Variants in CTNNA3 observed in about 807,000 individuals in gnomAD.
CTNNA3 encodes the protein catenin alpha 3.
A neutral mutation model predicts 95.7 loss-of-function variants in CTNNA3; 76 were observed. The ratio of observed to expected loss-of-function variants is 0.79; its 90% confidence interval spans 0.66 to 0.96. The LOEUF (loss-of-function observed/expected upper bound fraction) is 0.96. Ranked by LOEUF, CTNNA3 falls within the 40% of genes least tolerant of loss-of-function variation. The pLI is 0.00. For missense variants in CTNNA3, 1,191 were observed against 1,089.8 expected (o/e 1.09, Z -1.31); for synonymous variants, 431 against 374.4 (o/e 1.15, Z -1.74).
At chr10:66,538,867 C>T (rs113465044) in intron 10 of CTNNA3, among the ~76,000 whole-genome samples, 90 of 152,262 alleles carry the variant, frequency 5.9e-4, no homozygotes, top group Middle Eastern at 3.4e-3. Context: ...TCAGGTTTAA[C>T]TGATTTTCAT....
intron 12 of CTNNA3, among the ~76,000 whole-genome samples, chr10:66,291,610 C>T (rs1464963292): frequency 1.3e-5 from 2 of 152,028 alleles, no homozygotes; most frequent in Non-Finnish European, 2.9e-5. Context: ...TTAGTATTCT[C>T]TGTGCTCTTC....
chr10:66,276,338 A>G (rs1326700658), intron 13 of CTNNA3, among the ~76,000 whole-genome samples: 1 of 152,096 alleles, frequency 6.6e-6, no homozygotes, highest in Non-Finnish European at 1.5e-5. Flanking sequence ...GAAAAATTTT[A>G]CCTGAATCTT....
intron 9 of CTNNA3, among the ~76,000 whole-genome samples, chr10:66,736,248 C>T (rs910925752): frequency 1.3e-5 from 2 of 151,788 alleles, no homozygotes; most frequent in African/African-American, 4.8e-5. Context: ...TGCAGTGGTG[C>T]CATCTTGACT....
intron 11 of CTNNA3, among the ~76,000 whole-genome samples, chr10:66,395,107 C>T (rs1456389525): frequency 6.6e-6 from 1 of 151,880 alleles, no homozygotes; most frequent in Non-Finnish European, 1.5e-5. Flanking sequence ...GAAAAAAAGG[C>T]TAACAAAAGA....
At chr10:66,866,953 T>G (rs761230930) in intron 7 of CTNNA3, among the ~76,000 whole-genome samples, 9 of 152,086 alleles carry the variant, frequency 5.9e-5, no homozygotes, top group Non-Finnish European at 1.2e-4. Flanking sequence ...CATACTGCTC[T>G]CATGGTGGTG....
intron 15 of CTNNA3, among the ~76,000 whole-genome samples, chr10:66,035,370 A>C (rs2133471631): frequency 6.6e-6 from 1 of 152,250 alleles, no homozygotes; most frequent in South Asian, 2.1e-4. Context: ...TGGCAGCCTA[A>C]GAATTTAGAA....
chr10:66,120,314 G>C (rs1780542306), intron 13 of CTNNA3, among the ~76,000 whole-genome samples: 1 of 152,136 alleles, frequency 6.6e-6, no homozygotes, highest in Non-Finnish European at 1.5e-5. Context: ...ACTGAATATA[G>C]TGCCAAGAAC....
chr10:67,033,059 A>AT (rs1853830712), intron 7 of CTNNA3, among the ~76,000 whole-genome samples: 1 of 152,126 alleles, frequency 6.6e-6, no homozygotes, highest in African/African-American at 2.4e-5. Context: ...GATAACAGCT[A>AT]TTTTTTTCCA....
chr10:66,100,704 T>C (rs758830892), intron 14 of CTNNA3, among the ~76,000 whole-genome samples: 2 of 152,172 alleles, frequency 1.3e-5, no homozygotes, highest in African/African-American at 2.4e-5. Flanking sequence ...TAACCTATAA[T>C]GGGCAGCCAG....
chr10:66,354,291 A>T (rs931105453), intron 12 of CTNNA3, among the ~76,000 whole-genome samples: 3 of 127,850 alleles, frequency 2.3e-5, no homozygotes, highest in African/African-American at 3.5e-5. Flanking sequence ...TCTCAAAAAT[A>T]AAAAAAAAAA....
chr10:66,651,331 T>C (rs1478313457), intron 9 of CTNNA3, among the ~76,000 whole-genome samples: 1 of 152,104 alleles, frequency 6.6e-6, no homozygotes, highest in African/African-American at 2.4e-5. Context: ...ATTGGGTGCA[T>C]ATACAATCCT....
chr10:66,540,750 T>C (rs1049229954), intron 10 of CTNNA3, among the ~76,000 whole-genome samples: 1 of 151,958 alleles, frequency 6.6e-6, no homozygotes, highest in Non-Finnish European at 1.5e-5. Context: ...GAGCCAGGGT[T>C]GGGTCTAGGT....
chr10:67,580,140 C>T (rs1161549904), intron 3 of CTNNA3, among the ~76,000 whole-genome samples: 1 of 152,136 alleles, frequency 6.6e-6, no homozygotes, highest in Non-Finnish European at 1.5e-5. Flanking sequence ...GTGCCTATGT[C>T]CTGAATGGTA....
At chr10:66,699,926 G>T (rs1255513938) in intron 9 of CTNNA3, among the ~76,000 whole-genome samples, 1 of 151,894 alleles carries the variant, frequency 6.6e-6, no homozygotes, top group Non-Finnish European at 1.5e-5. Flanking sequence ...CAAAGTGCTG[G>T]GATTACAGGT....
chr10:66,961,229 T>G (rs1849094426), intron 7 of CTNNA3, among the ~76,000 whole-genome samples: 1 of 152,184 alleles, frequency 6.6e-6, no homozygotes, highest in South Asian at 2.1e-4. Flanking sequence ...TCTATTGTTT[T>G]GTATAGTCTC....
intron 1 of CTNNA3, among the ~76,000 whole-genome samples, chr10:67,718,881 C>T (rs1841161156): frequency 6.6e-6 from 1 of 152,172 alleles, no homozygotes; most frequent in Admixed American, 6.5e-5. Context: ...AGGAATGGTA[C>T]CAGCTCCTCT....
rs1301219835 is a variant in CTNNA3, at chr10:67,326,296, T to C, written c.580-106426A>G. ...ACGTTACCTGGTTGTTTTGCAGACT[T>C]GTTTATGTAGTTGCTTTATAGTGTC... On this transcript the variant is annotated intron_variant, in intron 5 of 17. Transcript: ENST00000433211. Among the ~76,000 whole-genome samples the C allele has an allele frequency of 2.0e-5, 3 of 152,188 alleles. No homozygotes were observed. The South Asian group carries it at 6.2e-4, about 31-fold the overall frequency.
At chr10:66,447,638 C>A (rs1359759251) in intron 11 of CTNNA3, among the ~76,000 whole-genome samples, 1 of 152,126 alleles carries the variant, frequency 6.6e-6, no homozygotes, top group Non-Finnish European at 1.5e-5. Context: ...AAAGCTAAAA[C>A]TGGATCCCTT....
intron 7 of CTNNA3, among the ~76,000 whole-genome samples, chr10:66,956,825 C>A (rs1848814482): frequency 1.3e-5 from 2 of 152,196 alleles, no homozygotes; most frequent in Admixed American, 6.6e-5. Flanking sequence ...CAACAGTAAC[C>A]AATATTCCGT....
Sources: gnomAD v4.1 joint callset for allele counts (sites outside exome capture counted in the v4.1 genomes callset) on GRCh38, gnomAD v4.1.1 for gene constraint, MANE v1.5 for transcripts, NCBI Gene and HGNC (gene_info 2026-07-23, HGNC 2026-07-21) for gene names.